The following GREM2 variants were observed in gnomAD, a reference collection of about 807,000 sequenced individuals.
The protein encoded by GREM2 is gremlin 2, DAN family BMP antagonist, also known as gremlin-2.
A neutral mutation model predicts 14.2 loss-of-function variants in GREM2; 11 were observed. The ratio of observed to expected loss-of-function variants is 0.78; its 90% CI spans 0.49 to 1.28. The LOEUF is 1.28. GREM2 is among the 50% of genes most tolerant of loss of function. The pLI, the probability that GREM2 is intolerant of heterozygous loss-of-function variation, is 0.00. For synonymous variants in GREM2, 98 were observed against 97.6 expected (o/e 1.00, Z -0.02); for missense variants, 210 against 218.5 (o/e 0.96, Z 0.24).
intron 1 of GREM2, among the ~76,000 whole-genome samples, chr1:240,603,581 T>C (rs145869074): frequency 4.2e-4 from 64 of 152,236 alleles, no homozygotes; most frequent in African/African-American, 1.2e-3. Context: ...TTAAGACAGC[T>C]GAAGGTGTTA....
At chr1:240,606,677 CTTT>C (rs1261199860) in intron 1 of GREM2, among the ~76,000 whole-genome samples, 12 of 131,340 alleles carry the variant, frequency 9.1e-5, no homozygotes, top group East Asian at 2.2e-4. Flanking sequence ...TGAAACAGTT[CTTT>C]TTTTTTTTTT....
At chr1:240,607,777 A>G (rs113548278) in intron 1 of GREM2, among the ~76,000 whole-genome samples, 1 of 152,372 alleles carries the variant, frequency 6.6e-6, no homozygotes, top group African/African-American at 2.4e-5. Flanking sequence ...TCAATATTCC[A>G]TCATGATTGA....
chr1:240,587,600 G>A (rs920925375), intron 1 of GREM2, among the ~76,000 whole-genome samples: 2 of 152,146 alleles, frequency 1.3e-5, no homozygotes, highest in East Asian at 3.9e-4. Context: ...AGGATTATAG[G>A]TGTGAGCTAC....
At position 240,557,236 on chromosome 1, in the gene GREM2, C is replaced by T. The variant is rs532598090; in HGVS notation, c.-2+54648G>A. 1.7e-4 allele frequency among the ~76,000 whole-genome samples: 26 copies of T among 150,554 alleles called. No homozygotes were observed. In the South Asian group the frequency reaches 4.5e-3, roughly 26 times the overall value. ...TAAAATACATAAAAAATAAATAAAA[C>T]GAATCACGGGAAGAGAGACCTGAGA... On this transcript the variant is annotated intron_variant, in intron 1 of 1. Transcript: ENST00000318160.
intron 1 of GREM2, among the ~76,000 whole-genome samples, chr1:240,563,869 A>G (rs1679120794): frequency 6.6e-6 from 1 of 152,156 alleles, no homozygotes; most frequent in Non-Finnish European, 1.5e-5. Flanking sequence ...TTAGGGATGT[A>G]TTAAAGGCAA....
chr1:240,543,510 T>G lies in GREM2; in HGVS notation c.-1-50034A>C, dbSNP rs565719726. On this transcript the variant is annotated intron_variant, in intron 1 of 1. Coordinates refer to ENST00000318160, the MANE Select transcript of GREM2 (RefSeq NM_022469.4). This position sits in a 1 kb window ranked among gnomAD's most constrained non-coding sequence, Gnocchi z 6.4. ...GATAACAGTAGGGGGGAAACCGCCC[T>G]TGTGATTCAATTATTTCCACCTGGC... Among the ~76,000 whole-genome samples the G allele has an allele frequency of 2.6e-5, 4 of 152,166 alleles. No homozygotes were observed. The highest frequency in any genetic ancestry group is 5.9e-5 in the Non-Finnish European group (4 of 68,036).
intron 1 of GREM2, among the ~76,000 whole-genome samples, chr1:240,575,219 T>TG (rs1679338375): frequency 6.6e-6 from 1 of 152,182 alleles, no homozygotes; most frequent in African/African-American, 2.4e-5. Flanking sequence ...TTTATTTAAC[T>TG]GTGATAGTAT....
chr1:240,578,411 C>T (rs1021632828), intron 1 of GREM2, among the ~76,000 whole-genome samples: 1 of 152,010 alleles, frequency 6.6e-6, no homozygotes, highest in Admixed American at 6.6e-5. Flanking sequence ...CAGGTGTGAG[C>T]CACTGCGCCA....
At chr1:240,578,230 A>G (rs537399441) in intron 1 of GREM2, among the ~76,000 whole-genome samples, 2 of 152,096 alleles carry the variant, frequency 1.3e-5, no homozygotes, top group South Asian at 4.2e-4. Context: ...GGTTCAAGCT[A>G]TTCTCCTGCC....
intron 1 of GREM2, among the ~76,000 whole-genome samples, chr1:240,576,625 G>A (rs565699705): frequency 3.7e-4 from 57 of 152,182 alleles, no homozygotes; most frequent in African/African-American, 1.4e-3. Context: ...TGGGGGAGGG[G>A]GCAGTCAGAT....
At chr1:240,589,675 G>A (rs930873124) in intron 1 of GREM2, among the ~76,000 whole-genome samples, 5 of 152,014 alleles carry the variant, frequency 3.3e-5, no homozygotes, top group East Asian at 1.9e-4. Flanking sequence ...GATCCTATGC[G>A]ATCATAAACT....
chr1:240,603,891 C>T (rs965948626), intron 1 of GREM2, among the ~76,000 whole-genome samples: 3 of 151,044 alleles, frequency 2.0e-5, no homozygotes, highest in African/African-American at 4.9e-5. Flanking sequence ...ATGGAATATC[C>T]AAGGAGGCTG....
intron 1 of GREM2, among the ~76,000 whole-genome samples, chr1:240,499,656 C>T (rs1258309603): frequency 1.3e-5 from 2 of 152,212 alleles, no homozygotes; most frequent in Non-Finnish European, 2.9e-5. Context: ...TGTTTCTTGG[C>T]CCTGGGATCA....
chr1:240,571,113 T>A (rs973247080), intron 1 of GREM2, among the ~76,000 whole-genome samples: 1 of 152,232 alleles, frequency 6.6e-6, no homozygotes, highest in Non-Finnish European at 1.5e-5. Context: ...CTCAAATTCA[T>A]GCGAATAGTT....
At chr1:240,527,856 C>A (rs910322130) in intron 1 of GREM2, among the ~76,000 whole-genome samples, 1 of 152,078 alleles carries the variant, frequency 6.6e-6, no homozygotes, top group African/African-American at 2.4e-5. Context: ...TATTCCACCA[C>A]GCAGTATGTA....
At chr1:240,509,076 C>T (rs1377826072) in intron 1 of GREM2, among the ~76,000 whole-genome samples, 1 of 152,156 alleles carries the variant, frequency 6.6e-6, no homozygotes, top group Non-Finnish European at 1.5e-5. Context: ...TGAGCAATTT[C>T]CCCATGTTTA....
At chr1:240,508,636 TA>T (rs1284109161) in intron 1 of GREM2, among the ~76,000 whole-genome samples, 1 of 152,272 alleles carries the variant, frequency 6.6e-6, no homozygotes. Flanking sequence ...AAGTATTTTT[TA>T]ATACATTGTT....
rs1678656743 is a variant in GREM2 at position 240,543,909 on chromosome 1, AAAGGGTGACCCTCC to A, written c.-1-50447_-1-50434del. Among the ~76,000 whole-genome samples, 1 of 152,196 alleles carries A rather than the reference AAAGGGTGACCCTCC, an allele frequency of 6.6e-6. No homozygotes were observed. The highest frequency in any genetic ancestry group is 2.1e-4 in the South Asian group (1 of 4,834). Reference sequence around the variant, plus strand: ...TTTCAATGGGAACAAGCACAGAACTAAAGGGTGACCCTCCATACCTGTGGGTTCCACATTCATGG... The same window carrying A: ...TTTCAATGGGAACAAGCACAGAACTAATACCTGTGGGTTCCACATTCATGG... On this transcript the variant is annotated intron_variant, in intron 1 of 1. Coordinates refer to ENST00000318160, the MANE Select transcript of GREM2 (RefSeq NM_022469.4). This position sits in a 1 kb window ranked among gnomAD's most constrained non-coding sequence, Gnocchi z 6.4.
intron 1 of GREM2, among the ~76,000 whole-genome samples, chr1:240,495,232 C>G (rs1012332353): frequency 6.6e-6 from 1 of 152,180 alleles, no homozygotes; most frequent in Non-Finnish European, 1.5e-5. Context: ...TAGCTGTTAC[C>G]AACATCATCA....
Sources: gnomAD v4.1 joint callset for allele counts (sites outside exome capture counted in the v4.1 genomes callset) on GRCh38, gnomAD v4.1.1 for gene constraint, Gnocchi (gnomAD v3.1) non-coding constraint, MANE v1.5 for transcripts, NCBI Gene and HGNC (gene_info 2026-07-23, HGNC 2026-07-21) for gene names.